The following BRD3 variants were observed in gnomAD, a reference collection of about 807,000 sequenced individuals.
BRD3 encodes bromodomain-containing protein 3.
BRD3 carries 17 observed loss-of-function variants against 66.8 expected under a neutral mutation model. The observed-to-expected ratio is 0.25, with a 90% CI of 0.17 to 0.38. The LOEUF (loss-of-function observed/expected upper bound fraction) is 0.38, where lower values mean the gene tolerates loss of function less well. BRD3 is among the 10% of genes least tolerant of loss of function. The pLI, the probability that BRD3 is intolerant of heterozygous loss-of-function variation, is 1.00. For missense variants in BRD3, 713 were observed against 956.1 expected (o/e 0.75, Z 3.35); for synonymous variants, 421 against 393.2 (o/e 1.07, Z -0.84).
At chr9:134,044,224 A>G (rs1369063122) in intron 7 of BRD3, among the ~76,000 whole-genome samples, 1 of 152,210 alleles carries the variant, frequency 6.6e-6, no homozygotes, top group Non-Finnish European at 1.5e-5. Context: ...CATCACCCAC[A>G]GGACCCAGTG....
chr9:134,053,489 T>G lies in BRD3; in HGVS notation c.-12A>C. On this transcript the variant is annotated 5_prime_UTR_variant, in exon 2 of 12. Transcript: ENST00000303407. Reference sequence around the variant, plus strand: ...GTGGCGGTGGACATCCTCCGGCAGCTCACTCACTTTCTGTCACAGCAGCGG... The same window carrying G: ...GTGGCGGTGGACATCCTCCGGCAGCGCACTCACTTTCTGTCACAGCAGCGG... The G allele has an allele frequency of 6.3e-7, 1 of 1,577,304 alleles. No individual in the cohort carries two copies. Among genetic ancestry groups the G allele is most frequent in the Non-Finnish European group, 8.6e-7 (1 of 1,164,652 alleles).
chr9:134,045,273 C>T lies in BRD3; in HGVS notation c.1215+20G>A, dbSNP rs763168930. 2.5e-6 allele frequency: 4 copies of T among 1,612,830 alleles called. No individual in the cohort carries two copies. Among genetic ancestry groups the T allele is most frequent in the South Asian group, 1.1e-5 (1 of 91,056 alleles). ...CAGCACTGAGCTGAGCAGCCCCACCCGTGCCCAGCCTCGGGTTACCTGGAG... is the reference window on the plus strand; with the variant it reads ...CAGCACTGAGCTGAGCAGCCCCACCTGTGCCCAGCCTCGGGTTACCTGGAG... On this transcript the variant is annotated intron_variant, in intron 7 of 11. Coordinates refer to ENST00000303407, the MANE Select transcript of BRD3 (RefSeq NM_007371.4). The surrounding 1 kb of genome is among the most constrained non-coding windows in gnomAD (Gnocchi z 4.8).
At chr9:134,067,589 G>A (rs1371239563) in intron 1 of BRD3, among the ~76,000 whole-genome samples, 2 of 146,784 alleles carry the variant, frequency 1.4e-5, no homozygotes, top group Non-Finnish European at 3.0e-5. Context: ...GGCGCGCGGA[G>A]GCCGGGCTGG....
intron 7 of BRD3, among the ~76,000 whole-genome samples, chr9:134,043,590 C>T (rs945729582): frequency 2.0e-5 from 3 of 152,224 alleles, no homozygotes; most frequent in African/African-American, 4.8e-5. Flanking sequence ...TCCAGGCCCC[C>T]GCTCGGCCGA....
At chr9:134,059,243 C>A (rs888642945) in intron 1 of BRD3, among the ~76,000 whole-genome samples, 2 of 152,218 alleles carry the variant, frequency 1.3e-5, no homozygotes, top group African/African-American at 4.8e-5. Flanking sequence ...AGAGGGTGCA[C>A]CTCCCTTCTC....
Position 134,040,112 on chromosome 9 carries a change from T to C in BRD3, c.1565A>G (p.Lys522Arg), listed in dbSNP as rs1236583599. ...KVKAEEEKKA[K>R]VAPPAKQAQQ... ...AGCCTGCTTGGCAGGCGGAGCCACC[T>C]TGGCCTTCTTCTCTTCCTCGGCCTT... is the stretch of plus-strand genomic sequence containing the variant. Residue 522 changes from lysine (K) to arginine (R), a missense_variant, in exon 9 of 12, where the codon AAG (lysine) becomes AGG (arginine). Lys to Arg is a conservative substitution (Grantham distance 26). Transcript: ENST00000303407. 1 of 1,577,680 alleles carries C rather than the reference T, an allele frequency of 6.3e-7. No individual in the cohort carries two copies. Among genetic ancestry groups the C allele is most frequent in the Non-Finnish European group, 8.6e-7 (1 of 1,162,604 alleles).
At chr9:134,041,382 C>T (rs1379661868) in intron 8 of BRD3, among the ~76,000 whole-genome samples, 2 of 152,154 alleles carry the variant, frequency 1.3e-5, no homozygotes, top group Non-Finnish European at 2.9e-5. Flanking sequence ...ACCCTGGAGC[C>T]TGCACCCCAC....
In BRD3 at chr9:134,031,921, G is replaced by A. The variant is rs747665555; in HGVS notation, c.*1669C>T. 8.7e-5 allele frequency: 19 copies of A among 218,712 alleles called. No homozygotes were observed. Among genetic ancestry groups the A allele is most frequent in the Admixed American group, 1.2e-4 (2 of 17,236 alleles). 13.5% of individuals were successfully genotyped at this position (218,712 alleles called of 1,614,324 possible). On this transcript the variant is annotated 3_prime_UTR_variant, in exon 12 of 12. Transcript: ENST00000303407. Reference sequence around the variant, plus strand: ...TCATTTCCGGACTAACTGTGACAACGCGTGAGCAGGGAGCACCGTGCGAGT... The same window carrying A: ...TCATTTCCGGACTAACTGTGACAACACGTGAGCAGGGAGCACCGTGCGAGT...
intron 5 of BRD3, among the ~76,000 whole-genome samples, chr9:134,049,244 C>G (rs1184379134): frequency 1.3e-5 from 2 of 152,164 alleles, no homozygotes; most frequent in Non-Finnish European, 2.9e-5. Context: ...GCAAGGGCCT[C>G]AGCACCCAGC....
chr9:134,035,980 G>C, intron 10 of BRD3, 52 bp downstream of exon 10: 2 of 1,549,206 alleles, frequency 1.3e-6, no homozygotes, highest in Non-Finnish European at 1.7e-6. Context: ...GGAGGGGCAG[G>C]CCAAGGAGGG....
At chr9:134,038,135 G>A (rs1181198131) in intron 9 of BRD3, among the ~76,000 whole-genome samples, 1 of 152,106 alleles carries the variant, frequency 6.6e-6, no homozygotes, top group Non-Finnish European at 1.5e-5. Flanking sequence ...ACAGAAGAGG[G>A]GCAACACCTT....
chr9:134,052,124 C>T (rs867482792), intron 3 of BRD3, among the ~76,000 whole-genome samples, 182 bp downstream of exon 3: 1 of 152,042 alleles, frequency 6.6e-6, no homozygotes, highest in South Asian at 2.1e-4. Context: ...AACTCCTGAG[C>T]TCAAGTGATC....
chr9:134,066,022 G>A (rs1444382107), intron 1 of BRD3, among the ~76,000 whole-genome samples: 1 of 152,188 alleles, frequency 6.6e-6, no homozygotes, highest in Non-Finnish European at 1.5e-5. Context: ...TCCGAAGCAG[G>A]CGCGAGCTGT....
rs1403288434 is a variant in BRD3, at chr9:134,045,002, A to G, written c.1215+291T>C. On this transcript the variant is annotated intron_variant, in intron 7 of 11. Coordinates refer to ENST00000303407, the MANE Select transcript of BRD3 (RefSeq NM_007371.4). The surrounding 1 kb of genome is among the most constrained non-coding windows in gnomAD (Gnocchi z 4.8). ...CAAGAGAAAGAGCATCTGCCGTCCC[A>G]CCTGGTACACGCACCAGTCCCTGGA... Among the ~76,000 whole-genome samples the G allele has an allele frequency of 6.6e-6, 1 of 152,166 alleles. No individual in the cohort carries two copies. The highest frequency in any genetic ancestry group is 1.5e-5 in the Non-Finnish European group (1 of 68,016).
chr9:134,050,990 C>T (rs910321531), intron 4 of BRD3, among the ~76,000 whole-genome samples: 39 of 152,196 alleles, frequency 2.6e-4, no homozygotes, highest in Non-Finnish European at 3.8e-4. Context: ...CAACACGCGA[C>T]GGCCCGTGGC....
intron 9 of BRD3, among the ~76,000 whole-genome samples, chr9:134,039,790 C>T (rs1259228102): frequency 6.6e-6 from 1 of 152,264 alleles, no homozygotes; most frequent in African/African-American, 2.4e-5. Context: ...GATGTGGAGA[C>T]CAGGCCGTGC....
At chr9:134,057,700 C>T (rs1830454656) in intron 1 of BRD3, 1 of 152,248 alleles carries the variant, frequency 6.6e-6, no homozygotes, top group Non-Finnish European at 1.5e-5. Context: ...AGGATCAAGA[C>T]CCTGGGCTTC....
chr9:134,058,107 G>A (rs1192745038), intron 1 of BRD3: 1 of 152,282 alleles, frequency 6.6e-6, no homozygotes, highest in Non-Finnish European at 1.5e-5. Flanking sequence ...TGTGCTGAGA[G>A]CTTAGCAAGG....
chr9:134,058,756 G>C (rs1830477394), intron 1 of BRD3: 1 of 152,312 alleles, frequency 6.6e-6, no homozygotes, highest in African/African-American at 2.4e-5. Flanking sequence ...TGTATCAGCT[G>C]TAAAGGGGGG....
Sources: gnomAD v4.1 joint callset for allele counts (sites outside exome capture counted in the v4.1 genomes callset) on GRCh38, gnomAD v4.1.1 for gene constraint, Gnocchi (gnomAD v3.1) non-coding constraint, MANE v1.5 for transcripts, NCBI Gene and HGNC (gene_info 2026-07-23, HGNC 2026-07-21) for gene names.